Variants in SLC16A9 observed in about 807,000 individuals in gnomAD.
SLC16A9 encodes the protein solute carrier family 16 member 9.
A neutral mutation model predicts 44.3 loss-of-function variants in SLC16A9; 26 were observed. That is an observed-to-expected ratio of 0.59 (90% confidence interval 0.43 to 0.81). The LOEUF (loss-of-function observed/expected upper bound fraction) is 0.81. Among genes scored for constraint, SLC16A9 ranks in the 40% least tolerant of loss-of-function variants. SLC16A9 has a pLI of 0.00. For missense variants in SLC16A9, 559 were observed against 595.8 expected (o/e 0.94, Z 0.64); for synonymous variants, 230 against 225.1 (o/e 1.02, Z -0.19).
At position 59,701,071 on chromosome 10, in the gene SLC16A9, G is replaced by T. The variant is rs149837777; in HGVS notation, c.-37+8408C>A. Among the ~76,000 whole-genome samples, 20 of 152,216 alleles carry T rather than the reference G, an allele frequency of 1.3e-4. No individual in the cohort carries two copies. The East Asian group carries it at 3.5e-3, about 26-fold the overall frequency. ...CAAGATCTCAACTGGATGTGCCCAG[G>T]CCCCTCAAACTCAATTCTTAATTTC... On this transcript the variant is annotated intron_variant, in intron 1 of 5. Coordinates refer to ENST00000395348, the MANE Select transcript of SLC16A9 (RefSeq NM_194298.3).
rs374721666 is a variant in SLC16A9, at chr10:59,663,348, C to T, written c.436+879G>A. On this transcript the variant is annotated intron_variant, in intron 4 of 5. Transcript: ENST00000395348. Reference sequence around the variant, plus strand: ...TACACTCCAGCCTGGGCAACAAGAGCGCAACTCTGTCTCAAAAAAAGAAAA... The same window carrying T: ...TACACTCCAGCCTGGGCAACAAGAGTGCAACTCTGTCTCAAAAAAAGAAAA... Among the ~76,000 whole-genome samples the T allele has an allele frequency of 5.6e-4, 85 of 151,574 alleles. No individual in the cohort carries two copies. The South Asian group carries it at 0.017, about 29-fold the overall frequency.
intron 1 of SLC16A9, among the ~76,000 whole-genome samples, chr10:59,699,965 C>G (rs1415743925): frequency 6.6e-6 from 1 of 151,750 alleles, no homozygotes; most frequent in Non-Finnish European, 1.5e-5. Context: ...ATCTCTCCCC[C>G]CACCCAAAAA....
At chr10:59,653,652 T>C in intron 5 of SLC16A9, 23 bp downstream of exon 5, 2 of 1,585,618 alleles carry the variant, frequency 1.3e-6, no homozygotes, top group Non-Finnish European at 1.7e-6. Context: ...TAAAATGGGA[T>C]GATTTTAAGA....
intron 4 of SLC16A9, among the ~76,000 whole-genome samples, chr10:59,658,600 T>C (rs1839401517): frequency 6.6e-6 from 1 of 152,168 alleles, no homozygotes; most frequent in African/African-American, 2.4e-5. Flanking sequence ...TGAGACCCAC[T>C]GTCCTTGAAG....
chr10:59,668,814 C>G (rs1266192778), intron 3 of SLC16A9, among the ~76,000 whole-genome samples: 1 of 152,076 alleles, frequency 6.6e-6, no homozygotes, highest in African/African-American at 2.4e-5. Flanking sequence ...AATCATAGTA[C>G]CTTATTACAC....
At chr10:59,699,503 T>A (rs1840474659) in intron 1 of SLC16A9, among the ~76,000 whole-genome samples, 1 of 152,146 alleles carries the variant, frequency 6.6e-6, no homozygotes, top group Non-Finnish European at 1.5e-5. Context: ...GCAGCTCTGG[T>A]ACCAGCCAAG....
At chr10:59,704,114 C>T (rs182498148) in intron 1 of SLC16A9, among the ~76,000 whole-genome samples, 39 of 152,264 alleles carry the variant, frequency 2.6e-4, no homozygotes, top group African/African-American at 9.4e-4. Context: ...TAACACTGGG[C>T]CCTCATTCTT....
At chr10:59,677,256 TA>T (rs879755179) in intron 2 of SLC16A9, among the ~76,000 whole-genome samples, 83 of 144,720 alleles carry the variant, frequency 5.7e-4, no homozygotes, top group Middle Eastern at 7.0e-3. Flanking sequence ...CCTGGCTAAT[TA>T]AAAAAAAAAA....
chr10:59,706,630 T>TACACACACACACACAC (rs60450481), intron 1 of SLC16A9, among the ~76,000 whole-genome samples: 15,042 of 145,806 alleles, frequency 0.1, 873 homozygotes, highest in African/African-American at 0.15. Flanking sequence ...AGAAATGTGA[T>TACACACACACACACAC]ACACACACAC....
At chr10:59,686,560 G>A (rs1296199141) in intron 1 of SLC16A9, among the ~76,000 whole-genome samples, 1 of 152,014 alleles carries the variant, frequency 6.6e-6, no homozygotes, top group Non-Finnish European at 1.5e-5. Context: ...TGCTAATATT[G>A]TAATTGGGGT....
At chr10:59,664,489 C>T (rs1379252616) in intron 3 of SLC16A9, among the ~76,000 whole-genome samples, 167 bp from the exon 4 acceptor site, 1 of 152,112 alleles carries the variant, frequency 6.6e-6, no homozygotes, top group Non-Finnish European at 1.5e-5. Context: ...CAATAGACAC[C>T]ATTGGGCAGC....
chr10:59,665,933 G>A (rs1287769455), intron 3 of SLC16A9, among the ~76,000 whole-genome samples: 1 of 152,134 alleles, frequency 6.6e-6, no homozygotes, highest in Non-Finnish European at 1.5e-5. Flanking sequence ...TTAGGGTTCA[G>A]ATAAGATTAC....
At chr10:59,685,513 G>T (rs1189946803) in intron 1 of SLC16A9, among the ~76,000 whole-genome samples, 2 of 152,104 alleles carry the variant, frequency 1.3e-5, no homozygotes, top group African/African-American at 4.8e-5. Flanking sequence ...ATATACATTG[G>T]TATGTGCCTT....
At chr10:59,689,343 C>T (rs1840203994) in intron 1 of SLC16A9, among the ~76,000 whole-genome samples, 1 of 152,178 alleles carries the variant, frequency 6.6e-6, no homozygotes. Context: ...TTCATTTCTC[C>T]TTTTTTGTAA....
chr10:59,702,415 G>A (rs960249018), intron 1 of SLC16A9, among the ~76,000 whole-genome samples: 8 of 152,100 alleles, frequency 5.3e-5, no homozygotes, highest in Non-Finnish European at 1.2e-4. Context: ...ATGTGAAAGG[G>A]TGGGGGCTGA....
chr10:59,658,565 G>A (rs531794331), intron 4 of SLC16A9, among the ~76,000 whole-genome samples: 1 of 152,262 alleles, frequency 6.6e-6, no homozygotes, highest in South Asian at 2.1e-4. Flanking sequence ...ATGTCATACT[G>A]CCTCTACAGC....
intron 4 of SLC16A9, among the ~76,000 whole-genome samples, chr10:59,660,591 G>A (rs1213951804): frequency 6.6e-6 from 1 of 152,080 alleles, no homozygotes; most frequent in Non-Finnish European, 1.5e-5. Context: ...GGAGCTGGCA[G>A]CATTCCTTCT....
At chr10:59,670,783 G>C (rs1337947680) in intron 3 of SLC16A9, among the ~76,000 whole-genome samples, 3 of 151,876 alleles carry the variant, frequency 2.0e-5, no homozygotes, top group Admixed American at 6.6e-5. Context: ...AATGGTAACA[G>C]AATGAAAGTG....
At chr10:59,709,095 T>C (rs1243758887) in intron 1 of SLC16A9, among the ~76,000 whole-genome samples, 2 of 152,174 alleles carry the variant, frequency 1.3e-5, no homozygotes, top group African/African-American at 4.8e-5. Context: ...GAGGCCCACC[T>C]GCATCACATG....
Sources: allele counts gnomAD v4.1 joint callset (sites outside exome capture counted in the v4.1 genomes callset), GRCh38; gene constraint gnomAD v4.1.1; transcripts MANE v1.5; gene names NCBI Gene and HGNC (gene_info 2026-07-23, HGNC 2026-07-21).